STXBP5: variants seen among roughly 807,000 people sequenced by gnomAD.
STXBP5 encodes the protein syntaxin-binding protein 5.
Under a neutral mutation model 152.4 loss-of-function variants are expected in STXBP5, and 50 were observed. The ratio of observed to expected loss-of-function variants is 0.33; its 90% CI spans 0.26 to 0.42. The LOEUF (loss-of-function observed/expected upper bound fraction) is 0.42, where lower values mean the gene tolerates loss of function less well. Ranked by LOEUF, STXBP5 falls within the 10% of genes least tolerant of loss-of-function variation. The pLI, the probability that STXBP5 is intolerant of heterozygous loss-of-function variation, is 1.00. For synonymous variants in STXBP5, 492 were observed against 494.7 expected (o/e 0.99, Z 0.07); for missense variants, 1,167 against 1,388.6 (o/e 0.84, Z 2.54).
At chr6:147,372,407 C>CTTTTTT (rs869251731) in intron 25 of STXBP5, among the ~76,000 whole-genome samples, 1 of 74,896 alleles carries the variant, frequency 1.3e-5, no homozygotes, top group Non-Finnish European at 2.4e-5. Flanking sequence ...CGTCCTTTTC[C>CTTTTTT]TTTTTTTTTT....
rs1194337982 is a variant in STXBP5, at chr6:147,359,086, G to C, written c.2308G>C (p.Val770Leu). The change falls in exon 23 of 28, where the codon GTA (valine) becomes CTA (leucine). Residue 770 changes from valine (V) to leucine (L), a missense_variant and splice_region_variant. By Grantham distance (32) the Val-to-Leu change is conservative. Coordinates refer to ENST00000321680, the MANE Select transcript of STXBP5 (RefSeq NM_001127715.4). Reference protein sequence around the residue: ...LPTDLKPDLDVKDNSFSRSRS... With the variant: ...LPTDLKPDLDLKDNSFSRSRS... ...CACAACATTTTTAACCATTTCAGAT[G>C]TAAAGGATAACTCCTTTAGCCGATC... is the stretch of plus-strand genomic sequence containing the variant. 1.2e-6 allele frequency: 2 copies of C among 1,613,214 alleles called. No individual in the cohort carries two copies. Among genetic ancestry groups the C allele is most frequent in the Non-Finnish European group, 1.7e-6 (2 of 1,179,484 alleles).
intron 16 of STXBP5, among the ~76,000 whole-genome samples, chr6:147,320,853 G>A (rs1782900966): frequency 6.6e-6 from 1 of 151,996 alleles, no homozygotes; most frequent in Non-Finnish European, 1.5e-5. Flanking sequence ...GGATTTTAGA[G>A]AAAACCCAAG....
At chr6:147,310,787 T>C (rs1016995135) in intron 10 of STXBP5, among the ~76,000 whole-genome samples, 1 of 152,202 alleles carries the variant, frequency 6.6e-6, no homozygotes, top group African/African-American at 2.4e-5. Flanking sequence ...ACTGACTGAA[T>C]GAGGCCCATT....
chr6:147,294,165 A>T (rs905334134), intron 9 of STXBP5, among the ~76,000 whole-genome samples: 1 of 152,154 alleles, frequency 6.6e-6, no homozygotes, highest in Non-Finnish European at 1.5e-5. Flanking sequence ...AATTCCATTG[A>T]AGTTGTTTCT....
rs532870931 is a variant in STXBP5, at chr6:147,233,601, T to C, written c.249-1649T>C. On this transcript the variant is annotated intron_variant, in intron 2 of 27. Transcript: ENST00000321680. Reference sequence around the variant, plus strand: ...CATGTAAAATGGGAATTATAAAATATGCTGATTGGTGCCAGAAAGAATAAT... The same window carrying C: ...CATGTAAAATGGGAATTATAAAATACGCTGATTGGTGCCAGAAAGAATAAT... Among the ~76,000 whole-genome samples, 6 of 151,868 alleles carry C rather than the reference T, an allele frequency of 4.0e-5. No homozygotes were observed. In the South Asian group the frequency reaches 1.0e-3, roughly 26 times the overall value.
At chr6:147,332,937 C>G (rs1161163723) in intron 18 of STXBP5, among the ~76,000 whole-genome samples, 4 of 152,088 alleles carry the variant, frequency 2.6e-5, no homozygotes, top group Admixed American at 2.0e-4. Flanking sequence ...ACTCAAACCT[C>G]AAAGTGGTTT....
chr6:147,349,052 A>G (rs987409983), intron 21 of STXBP5, among the ~76,000 whole-genome samples: 1 of 151,590 alleles, frequency 6.6e-6, no homozygotes, highest in Non-Finnish European at 1.5e-5. Context: ...AATAACTCAA[A>G]GATAAAAAAG....
chr6:147,377,027 A>G (rs753314876), intron 26 of STXBP5, among the ~76,000 whole-genome samples: 5 of 152,180 alleles, frequency 3.3e-5, no homozygotes, highest in Non-Finnish European at 4.4e-5. Context: ...TGTGAAAACA[A>G]ATATTGACAT....
In STXBP5 at chr6:147,310,088, C is replaced by A. The variant is rs146827718; in HGVS notation, c.922C>A (p.Pro308Thr). The A allele has an allele frequency of 6.5e-7, 1 of 1,528,098 alleles. No individual in the cohort carries two copies. The highest frequency in any genetic ancestry group is 2.4e-5 in the East Asian group (1 of 41,784). 94.7% of individuals were successfully genotyped at this position (1,528,098 alleles called of 1,614,324 possible). The stretch of plus-strand genomic sequence containing the variant: ...TAATATGTATTTTATTTCCAGGGAG[C>A]CTTTTATTATTTTATCAGGAGGTTT... ...VEFKTTRSGE[P>T]FIILSGGLSY... Residue 308 changes from proline (P) to threonine (T), a missense_variant, in exon 10 of 28, where the codon CCT (proline) becomes ACT (threonine). Physicochemically the swap from Pro to Thr is conservative, Grantham distance 38 (BLOSUM62 -1). This residue lies in a region of STXBP5 where 24 missense variants were observed against 56.2 expected (regional missense o/e 0.43). Transcript: ENST00000321680.
intron 25 of STXBP5, among the ~76,000 whole-genome samples, chr6:147,364,663 A>G (rs552615356): frequency 2.1e-3 from 321 of 152,318 alleles, no homozygotes; most frequent in African/African-American, 7.1e-3. Flanking sequence ...TTCTTTATAT[A>G]CAGAAATGTG....
At chr6:147,375,382 T>TA (rs1785758950) in intron 26 of STXBP5, among the ~76,000 whole-genome samples, 1 of 151,950 alleles carries the variant, frequency 6.6e-6, no homozygotes. Context: ...AGACCTGAAA[T>TA]ACTCAAAAAC....
At chr6:147,360,896 G>A (rs923364764) in intron 23 of STXBP5, among the ~76,000 whole-genome samples, 4 of 152,010 alleles carry the variant, frequency 2.6e-5, no homozygotes, top group Non-Finnish European at 5.9e-5. Flanking sequence ...TGTTTGTGCC[G>A]ACTTTTACAG....
intron 4 of STXBP5, among the ~76,000 whole-genome samples, chr6:147,246,550 C>T (rs1270489794): frequency 2.0e-5 from 3 of 152,048 alleles, no homozygotes; most frequent in Admixed American, 2.0e-4. Context: ...GTACATTAAA[C>T]ACCAGAAAAG....
chr6:147,368,258 TA>T (rs142712484), intron 25 of STXBP5, among the ~76,000 whole-genome samples: 75,939 of 149,818 alleles, frequency 0.51, 19,445 homozygotes, highest in Middle Eastern at 0.57. Flanking sequence ...CAAAATTTGT[TA>T]AAAAAAAAAA....
chr6:147,364,299 G>A (rs1350867262), intron 25 of STXBP5, 133 bp downstream of exon 25: 1 of 736,690 alleles, frequency 1.4e-6, no homozygotes, highest in Non-Finnish European at 2.1e-6. Flanking sequence ...TGTTGAATTA[G>A]ACTTTCAGAG....
chr6:147,287,676 T>C (rs1318844080), intron 8 of STXBP5, among the ~76,000 whole-genome samples: 2 of 152,346 alleles, frequency 1.3e-5, no homozygotes, highest in Non-Finnish European at 2.9e-5. Context: ...TATTTCAAAT[T>C]AATGGGCATT....
chr6:147,230,426 G>A (rs1034282631), intron 2 of STXBP5, among the ~76,000 whole-genome samples: 2 of 151,774 alleles, frequency 1.3e-5, no homozygotes, highest in Non-Finnish European at 2.9e-5. Flanking sequence ...AAAAATGACT[G>A]TAGTATATTA....
intron 7 of STXBP5, among the ~76,000 whole-genome samples, chr6:147,270,203 C>T (rs1266958483): frequency 1.3e-5 from 2 of 151,848 alleles, no homozygotes; most frequent in African/African-American, 4.8e-5. Flanking sequence ...TCGAGACCAT[C>T]CTAGCTAACA....
At chr6:147,318,296 C>T (rs556184341) in intron 16 of STXBP5, among the ~76,000 whole-genome samples, 7 of 152,244 alleles carry the variant, frequency 4.6e-5, no homozygotes, top group African/African-American at 1.7e-4. Flanking sequence ...AAGTTAAAGG[C>T]CAGCCTGATA....
Sources: gnomAD v4.1 joint callset for allele counts (sites outside exome capture counted in the v4.1 genomes callset) on GRCh38, gnomAD v4.1.1 for gene constraint, gnomAD v4.1.1 regional missense constraint, MANE v1.5 for transcripts, NCBI Gene and HGNC (gene_info 2026-07-23, HGNC 2026-07-21) for gene names.